The following USH2A variants were observed in gnomAD, a reference collection of about 807,000 sequenced individuals.
USH2A encodes the protein Usher syndrome 2A (autosomal recessive, mild).
In USH2A, 443 loss-of-function variants were observed where a neutral mutation model predicts 538.9. The observed-to-expected ratio is 0.82, with a 90% CI of 0.76 to 0.89. USH2A has a LOEUF of 0.89. Among genes scored for constraint, USH2A ranks in the 40% least tolerant of loss-of-function variants. The pLI is 0.00. For synonymous variants in USH2A, 2,413 were observed against 2,273.5 expected, an observed-to-expected ratio of 1.06 and a Z score of -1.75; for missense variants, 6,633 against 6,324.8, an observed-to-expected ratio of 1.05 and a Z score of -1.65.
intron 61 of USH2A, among the ~76,000 whole-genome samples, chr1:215,711,096 C>T (rs955793535): frequency 2.6e-5 from 4 of 152,138 alleles, no homozygotes; most frequent in African/African-American, 9.6e-5. Flanking sequence ...CAATGGCAGA[C>T]ATATAGAAGC....
Position 216,171,023 on chromosome 1 carries a change from T to A in USH2A, c.4627+4229A>T, listed in dbSNP as rs187660556. ...GAAACTATTTTAATTTTCTGCTTTTTTTATAACATCTGATATGACCCAATA... is the reference window on the plus strand; with the variant it reads ...GAAACTATTTTAATTTTCTGCTTTTATTATAACATCTGATATGACCCAATA... On this transcript the variant is annotated intron_variant, in intron 21 of 71. Transcript: ENST00000307340. Among the ~76,000 whole-genome samples the A allele has an allele frequency of 6.4e-3, 972 of 152,264 alleles. 9 individuals are homozygous for A. The highest frequency in any genetic ancestry group is 0.011 in the Non-Finnish European group (754 of 68,004).
intron 21 of USH2A, among the ~76,000 whole-genome samples, chr1:216,159,454 T>G (rs1384942369): frequency 6.6e-6 from 1 of 152,070 alleles, no homozygotes; most frequent in African/African-American, 2.4e-5. Context: ...ACTATGTTAA[T>G]GTGTTGAATC....
At chr1:216,419,515 A>G (rs1241512906) in intron 2 of USH2A, among the ~76,000 whole-genome samples, 1 of 151,966 alleles carries the variant, frequency 6.6e-6, no homozygotes, top group African/African-American at 2.4e-5. Context: ...TATCTGAATG[A>G]TTATGCTTGG....
chr1:215,910,487 G>A (rs1665753783), intron 38 of USH2A, among the ~76,000 whole-genome samples: 1 of 151,848 alleles, frequency 6.6e-6, no homozygotes, highest in Non-Finnish European at 1.5e-5. Context: ...CATAGAGTGT[G>A]GTTGGGAGGA....
chr1:215,802,365 C>A (rs1662362410), intron 49 of USH2A, among the ~76,000 whole-genome samples: 1 of 151,970 alleles, frequency 6.6e-6, no homozygotes, highest in Non-Finnish European at 1.5e-5. Flanking sequence ...AATTATATAT[C>A]TGATAAGGAA....
intron 3 of USH2A, among the ~76,000 whole-genome samples, chr1:216,391,851 A>C (rs1216587147): frequency 1.3e-5 from 2 of 152,190 alleles, no homozygotes; most frequent in Non-Finnish European, 2.9e-5. Context: ...CCTATATTGA[A>C]CCAACTTTCT....
chr1:215,996,538 G>T (rs1032089928), intron 34 of USH2A, among the ~76,000 whole-genome samples: 9 of 105,372 alleles, frequency 8.5e-5, no homozygotes, highest in Non-Finnish European at 1.5e-4. Flanking sequence ...AATAGCCTTT[G>T]TTGAGAGTAG....
chr1:216,168,842 C>T (rs1171466545), intron 21 of USH2A, among the ~76,000 whole-genome samples: 1 of 152,098 alleles, frequency 6.6e-6, no homozygotes, highest in African/African-American at 2.4e-5. Context: ...CAGGAACTGA[C>T]TCACCACAAG....
In USH2A at chr1:215,634,492, T is replaced by C. The variant is rs780777164; in HGVS notation, c.15264A>G (p.Pro5088=). The C allele has an allele frequency of 3.1e-6, 5 of 1,614,114 alleles. No individual in the cohort carries two copies. In the African/African-American group the frequency reaches 6.7e-5, roughly 22 times the overall value. The stretch of plus-strand genomic sequence containing the variant: ...TTTCCCCCGGTGGGTAAACATTCAA[T>C]GGAGACATCCTCTTCTGAAGAGGTA... The part of the protein sequence containing the change: ...PLVPLQKRMS[P]LNVYPPGENH... The change falls in exon 70 of 72, where the codon CCA becomes CCG. Residue 5088 remains proline (P), a synonymous_variant. Coordinates refer to ENST00000307340, the MANE Select transcript of USH2A (RefSeq NM_206933.4).
intron 44 of USH2A, among the ~76,000 whole-genome samples, chr1:215,859,314 C>T (rs895605473): frequency 1.3e-5 from 2 of 152,068 alleles, no homozygotes; most frequent in South Asian, 2.1e-4. Context: ...GCGGGAGGAT[C>T]ACGAAGTCAG....
At chr1:215,891,364 A>G (rs952121108) in intron 40 of USH2A, among the ~76,000 whole-genome samples, 5 of 152,160 alleles carry the variant, frequency 3.3e-5, no homozygotes, top group Admixed American at 1.3e-4. Flanking sequence ...AAAGCAGCTT[A>G]ATTAGCTCCT....
At chr1:216,074,091 T>G (rs1366749920) in intron 27 of USH2A, among the ~76,000 whole-genome samples, 2 of 152,240 alleles carry the variant, frequency 1.3e-5, no homozygotes, top group African/African-American at 4.8e-5. Flanking sequence ...AGTACCATTC[T>G]GTGAAGTTTA....
At chr1:216,025,900 A>G (rs1157095586) in intron 32 of USH2A, among the ~76,000 whole-genome samples, 1 of 152,066 alleles carries the variant, frequency 6.6e-6, no homozygotes, top group Non-Finnish European at 1.5e-5. Flanking sequence ...ATCTCCCTAC[A>G]TGAAATAGAT....
chr1:216,028,729 A>G (rs1005317348), intron 32 of USH2A, among the ~76,000 whole-genome samples: 2 of 152,146 alleles, frequency 1.3e-5, no homozygotes, highest in African/African-American at 4.8e-5. Context: ...TTTACAAAAT[A>G]GGAAGAAGAA....
chr1:215,879,032 G>T lies in USH2A; in HGVS notation c.8290C>A (p.Pro2764Thr), dbSNP rs1453243986. Residue 2764 changes from proline (P) to threonine (T), a missense_variant, in exon 42 of 72, where the codon CCT (proline) becomes ACT (threonine). Pro to Thr is a conservative substitution (Grantham distance 38, BLOSUM62 -1). Transcript: ENST00000307340. ...GTCACATTGGTTAAAGTGATGTGAG[G>T]GTCAGGCATGTGAATCTCATAGCTA... ...ILSYEIHMPDPHITLTNVTSA... is the reference protein window; with the variant it reads ...ILSYEIHMPDTHITLTNVTSA... 3 of 1,613,898 alleles carry T rather than the reference G, an allele frequency of 1.9e-6. No individual in the cohort carries two copies. Among genetic ancestry groups the T allele is most frequent in the Non-Finnish European group, 2.5e-6 (3 of 1,179,958 alleles).
At chr1:216,094,805 T>C (rs1164085605) in intron 22 of USH2A, among the ~76,000 whole-genome samples, 1 of 152,214 alleles carries the variant, frequency 6.6e-6, no homozygotes, top group Non-Finnish European at 1.5e-5. Flanking sequence ...TGCTTGTGTT[T>C]ATAACCTGGC....
At chr1:216,096,038 TC>T (rs200909871) in intron 22 of USH2A, among the ~76,000 whole-genome samples, 6,620 of 152,316 alleles carry the variant, frequency 0.043, 478 homozygotes, top group African/African-American at 0.15. Flanking sequence ...TTTCTCTTAC[TC>T]ATCTCACATG....
chr1:216,150,793 A>G (rs1340964856), intron 21 of USH2A, among the ~76,000 whole-genome samples: 1 of 152,080 alleles, frequency 6.6e-6, no homozygotes, highest in Non-Finnish European at 1.5e-5. Flanking sequence ...TCCTTTATGT[A>G]TCTCTCGGCA....
At chr1:215,846,366 T>C (rs1188377824) in intron 44 of USH2A, among the ~76,000 whole-genome samples, 1 of 152,050 alleles carries the variant, frequency 6.6e-6, no homozygotes, top group African/African-American at 2.4e-5. Flanking sequence ...GCTCAGGCCA[T>C]CACACTAGTT....
Sources: gnomAD v4.1 joint callset for allele counts (sites outside exome capture counted in the v4.1 genomes callset) on GRCh38, gnomAD v4.1.1 for gene constraint, MANE v1.5 for transcripts, NCBI Gene and HGNC (gene_info 2026-07-23, HGNC 2026-07-21) for gene names.